Variants in PRORP observed in about 807,000 individuals in gnomAD.
PRORP encodes the protein protein only RNase P catalytic subunit.
A neutral mutation model predicts 59.4 loss-of-function variants in PRORP; 51 were observed. The ratio of observed to expected loss-of-function variants is 0.86; its 90% CI spans 0.69 to 1.08. PRORP has a LOEUF of 1.08. PRORP is among the 50% of genes least tolerant of loss of function. PRORP has a pLI of 0.00. For synonymous variants in PRORP, 231 were observed against 245.6 expected, an observed-to-expected ratio of 0.94 and a Z score of 0.55; for missense variants, 646 against 690.3, an observed-to-expected ratio of 0.94 and a Z score of 0.72.
intron 4 of PRORP, among the ~76,000 whole-genome samples, chr14:35,175,570 G>A (rs756757698): frequency 7.2e-6 from 1 of 139,568 alleles, no homozygotes; most frequent in East Asian, 2.2e-4. Flanking sequence ...CATGTCCTTT[G>A]CCCACTTTTT....
intron 5 of PRORP, among the ~76,000 whole-genome samples, chr14:35,194,417 G>A (rs2139099167): frequency 6.6e-6 from 1 of 152,238 alleles, no homozygotes; most frequent in South Asian, 2.1e-4. Context: ...ATCATTCTCA[G>A]CAAACTAACA....
At chr14:35,153,067 C>T (rs577634814) in intron 4 of PRORP, among the ~76,000 whole-genome samples, 14 of 152,330 alleles carry the variant, frequency 9.2e-5, no homozygotes, top group South Asian at 2.1e-4. Flanking sequence ...TGTAGCTAGC[C>T]GAGATCACGC....
chr14:35,162,131 C>T (rs73234501), intron 4 of PRORP, among the ~76,000 whole-genome samples: 27,849 of 151,900 alleles, frequency 0.18, 2,793 homozygotes, highest in Admixed American at 0.27. Context: ...CTCCTATTAA[C>T]GAGTATTTAA....
At chr14:35,155,491 G>A (rs1190454377) in intron 4 of PRORP, among the ~76,000 whole-genome samples, 3 of 150,992 alleles carry the variant, frequency 2.0e-5, no homozygotes, top group African/African-American at 4.9e-5. Flanking sequence ...GGAAGCTGAG[G>A]TGGGAGGATT....
At chr14:35,225,624 G>A (rs2049914470) in intron 5 of PRORP, among the ~76,000 whole-genome samples, 2 of 151,992 alleles carry the variant, frequency 1.3e-5, no homozygotes, top group Admixed American at 1.3e-4. Context: ...TGGGATTACA[G>A]GCATGAGCCA....
chr14:35,253,238 G>T (rs998834445), intron 5 of PRORP, among the ~76,000 whole-genome samples: 3 of 151,810 alleles, frequency 2.0e-5, no homozygotes, highest in Admixed American at 2.0e-4. Context: ...GGAGGTGGAG[G>T]CGAATCACTT....
At chr14:35,147,209 T>TA (rs1487843136) in intron 4 of PRORP, among the ~76,000 whole-genome samples, 4 of 152,206 alleles carry the variant, frequency 2.6e-5, no homozygotes, top group African/African-American at 4.8e-5. Flanking sequence ...ACCTTATTGC[T>TA]AAAAAATATG....
chr14:35,123,859 A>C lies in PRORP; in HGVS notation c.614A>C (p.Tyr205Ser). The C allele has an allele frequency of 1.2e-6, 2 of 1,614,150 alleles. No individual in the cohort carries two copies. The highest frequency in any genetic ancestry group is 4.5e-5 in the East Asian group (2 of 44,880). Reference sequence around the variant, plus strand: ...GTCTTTGAAATTATGAAAGCCAGATATAAGACTTTAGAACCTAGAGGTTAC... The same window carrying C: ...GTCTTTGAAATTATGAAAGCCAGATCTAAGACTTTAGAACCTAGAGGTTAC... The part of the protein sequence containing the change: ...IDVFEIMKAR[Y>S]KTLEPRGYSL... The change falls in exon 2 of 8, where the codon TAT becomes TCT. Residue 205 changes from tyrosine to serine, a missense_variant. Coordinates refer to ENST00000534898, the MANE Select transcript of PRORP (RefSeq NM_014672.4).
intron 5 of PRORP, chr14:35,263,004 GA>G (rs2138643191): frequency 6.3e-7 from 1 of 1,596,624 alleles, no homozygotes; most frequent in East Asian, 2.2e-5. Flanking sequence ...CTATGTCTCT[GA>G]AAAAGGAACT....
Position 35,159,104 on chromosome 14 carries a change from G to C in PRORP, c.1168-21566G>C. ...ATCAGCAGTGGATCTCGCACTCCAG[G>C]TCATTCTTTTCAAAACACTGATGTA... On this transcript the variant is annotated intron_variant, in intron 4 of 7. Coordinates refer to ENST00000534898, the MANE Select transcript of PRORP (RefSeq NM_014672.4). 1.0e-5 allele frequency: 2 copies of C among 191,744 alleles called. 1 individual carries two copies. Among genetic ancestry groups the C allele is most frequent in the South Asian group, 1.7e-4 (2 of 11,718 alleles). The allele number at this position is 191,744 out of a possible 1,614,324, so 11.9% of individuals were successfully genotyped here. A position where few individuals can be genotyped will look rare whatever the true frequency, so the allele number is the denominator to read the frequency against.
At position 35,209,152 on chromosome 14, in the gene PRORP, C is replaced by T. The variant is rs181548697; in HGVS notation, c.1275+28375C>T. Among the ~76,000 whole-genome samples, 269 of 151,362 alleles carry T rather than the reference C, an allele frequency of 1.8e-3. 1 individual carries two copies. Among genetic ancestry groups the T allele is most frequent in the African/African-American group, 6.1e-3 (252 of 41,246 alleles). ...TCGTGCCACTGAACCCCAGCCTCGG[C>T]GACAGAGTGAGACTCTGCCTCAAAA... On this transcript the variant is annotated intron_variant, in intron 5 of 7. Transcript: ENST00000534898.
intron 5 of PRORP, among the ~76,000 whole-genome samples, chr14:35,201,880 A>G (rs1383083630): frequency 6.6e-6 from 1 of 151,262 alleles, no homozygotes; most frequent in African/African-American, 2.4e-5. Flanking sequence ...CTGGTCTCAA[A>G]CTCCTGACCT....
chr14:35,195,810 T>C (rs2048994751), intron 5 of PRORP, among the ~76,000 whole-genome samples: 1 of 152,136 alleles, frequency 6.6e-6, no homozygotes. Context: ...CTAAGAGTGA[T>C]ATACTTCTTT....
chr14:35,145,464 G>A (rs1404276480), intron 4 of PRORP, among the ~76,000 whole-genome samples: 1 of 143,040 alleles, frequency 7.0e-6, no homozygotes, highest in Non-Finnish European at 1.5e-5. Context: ...GCTCACGCCT[G>A]TAATCTCAGC....
intron 5 of PRORP, chr14:35,262,523 G>A: frequency 1.6e-6 from 1 of 615,166 alleles, no homozygotes. Flanking sequence ...ACTCTGAAGG[G>A]ACACACAGTT....
At chr14:35,156,926 A>G (rs769872757) in intron 4 of PRORP, among the ~76,000 whole-genome samples, 16 of 150,990 alleles carry the variant, frequency 1.1e-4, no homozygotes, top group Non-Finnish European at 2.4e-4. Flanking sequence ...TCTTGCCCTA[A>G]TAATGGTAGT....
chr14:35,157,940 C>T (rs1165141856), intron 4 of PRORP: 1 of 192,490 alleles, frequency 5.2e-6, no homozygotes, highest in African/African-American at 2.4e-5. Flanking sequence ...TGAAGGTTCT[C>T]AAAGAGTTTT....
intron 5 of PRORP, among the ~76,000 whole-genome samples, chr14:35,253,422 AAAG>A (rs974177459): frequency 2.0e-4 from 31 of 152,052 alleles, no homozygotes; most frequent in African/African-American, 7.5e-4. Flanking sequence ...GAAAAAAAGA[AAAG>A]AAAAAAGAAA....
chr14:35,124,921 G>A (rs570704364), intron 2 of PRORP, among the ~76,000 whole-genome samples: 3 of 148,636 alleles, frequency 2.0e-5, no homozygotes, highest in African/African-American at 7.5e-5. Context: ...AGGCTAGAGT[G>A]CAATGGCATG....
Sources: gnomAD v4.1 joint callset for allele counts (sites outside exome capture counted in the v4.1 genomes callset) on GRCh38, gnomAD v4.1.1 for gene constraint, MANE v1.5 for transcripts, NCBI Gene and HGNC (gene_info 2026-07-23, HGNC 2026-07-21) for gene names.